Variants in KLHDC10 observed in about 807,000 individuals in gnomAD.
KLHDC10 encodes the protein kelch domain-containing protein 10.
In KLHDC10, 24 loss-of-function variants were observed where a neutral mutation model predicts 56.1. That is an observed-to-expected ratio of 0.43 (90% CI 0.31 to 0.60). The LOEUF is 0.60. Ranked by LOEUF, KLHDC10 falls within the 20% of genes least tolerant of loss-of-function variation. KLHDC10 has a pLI of 0.11. For synonymous variants in KLHDC10, 188 were observed against 207.1 expected (o/e 0.91, Z 0.79); for missense variants, 349 against 567.0 (o/e 0.62, Z 3.91).
At position 130,130,866 on chromosome 7, in the gene KLHDC10, A is replaced by G; in HGVS notation, c.*120A>G. The G allele has an allele frequency of 1.1e-6, 1 of 920,022 alleles. No individual in the cohort carries two copies. The allele number at this position is 920,022 out of a possible 1,614,324, so 57.0% of individuals were successfully genotyped here. A position where few individuals can be genotyped will look rare whatever the true frequency, so the allele number is the denominator to read the frequency against. ...TACCCTGATCAAGGCCTTATTTAGAAAATACATCAGATGCCTTTCTGTAAA... is the reference window on the plus strand; with the variant it reads ...TACCCTGATCAAGGCCTTATTTAGAGAATACATCAGATGCCTTTCTGTAAA... On this transcript the variant is annotated 3_prime_UTR_variant, in exon 10 of 10. Coordinates refer to ENST00000335420, the MANE Select transcript of KLHDC10 (RefSeq NM_014997.4). The surrounding 1 kb of genome is among the most constrained non-coding windows in gnomAD (Gnocchi z 4.2).
At chr7:130,100,293 T>C (rs1466168836) in intron 2 of KLHDC10, among the ~76,000 whole-genome samples, 2 of 152,136 alleles carry the variant, frequency 1.3e-5, no homozygotes. Context: ...TTGGCAGGCC[T>C]CTCCCCTCTT....
intron 1 of KLHDC10, among the ~76,000 whole-genome samples, chr7:130,074,207 G>A (rs957231254): frequency 3.3e-5 from 5 of 152,058 alleles, no homozygotes; most frequent in South Asian, 2.1e-4. Context: ...AAGCTTTTCC[G>A]TCATCCAAGA....
intron 1 of KLHDC10, among the ~76,000 whole-genome samples, chr7:130,085,757 C>G (rs1795679770): frequency 6.6e-6 from 1 of 150,652 alleles, no homozygotes; most frequent in Non-Finnish European, 1.5e-5. Context: ...TCGCTTGAAC[C>G]CAGGAGGTGG....
At chr7:130,127,585 A>T (rs1231303737) in intron 8 of KLHDC10, 134 bp downstream of exon 8, 6 of 649,994 alleles carry the variant, frequency 9.2e-6, no homozygotes, top group African/African-American at 3.6e-5. Flanking sequence ...ACTTAAAGGG[A>T]AATTCATAGT....
intron 2 of KLHDC10, among the ~76,000 whole-genome samples, chr7:130,103,349 C>T (rs960414052): frequency 1.1e-4 from 16 of 148,694 alleles, no homozygotes; most frequent in African/African-American, 2.0e-4. Context: ...TGCTTGAATC[C>T]GGGAGGCAGA....
rs1796444376 is a variant in KLHDC10, at chr7:130,134,669, G to T, written c.*3923G>T. ...TGGTCTTACAGATGTTTAGAAAGTG[G>T]CACAGGTTACTGAATTGTCTACCTG... On this transcript the variant is annotated 3_prime_UTR_variant, in exon 10 of 10. Coordinates refer to ENST00000335420, the MANE Select transcript of KLHDC10 (RefSeq NM_014997.4). 6.6e-6 allele frequency: 1 copy of T among 152,034 alleles called. No homozygotes were observed. Among genetic ancestry groups the T allele is most frequent in the South Asian group, 2.1e-4 (1 of 4,812 alleles). 9.4% of individuals were successfully genotyped at this position (152,034 alleles called of 1,614,324 possible).
intron 2 of KLHDC10, among the ~76,000 whole-genome samples, chr7:130,107,387 A>G (rs1796022611): frequency 6.6e-6 from 1 of 152,232 alleles, no homozygotes; most frequent in African/African-American, 2.4e-5. Flanking sequence ...TAGAGTTCAG[A>G]AAATTGGCTG....
intron 1 of KLHDC10, among the ~76,000 whole-genome samples, chr7:130,077,732 GT>G (rs886509245): frequency 6.6e-5 from 10 of 151,002 alleles, no homozygotes; most frequent in African/African-American, 2.4e-4. Context: ...ATTTTTTGTA[GT>G]TTTAGTAGAG....
At position 130,096,901 on chromosome 7, in the gene KLHDC10, G is replaced by C. The variant is rs746479640; in HGVS notation, c.167-20G>C. On this transcript the variant is annotated intron_variant, in intron 1 of 9. Coordinates refer to ENST00000335420, the MANE Select transcript of KLHDC10 (RefSeq NM_014997.4). The stretch of plus-strand genomic sequence containing the variant: ...ATGTGTTGTATGTGTCTGACTTATT[G>C]CTGATAATTGTGGTAACAGGTAAGA... 1 of 1,578,256 alleles carries C rather than the reference G, an allele frequency of 6.3e-7. No individual in the cohort carries two copies. The highest frequency in any genetic ancestry group is 8.7e-7 in the Non-Finnish European group (1 of 1,149,230).
At chr7:130,101,349 C>A (rs897790980) in intron 2 of KLHDC10, among the ~76,000 whole-genome samples, 2 of 152,072 alleles carry the variant, frequency 1.3e-5, no homozygotes, top group African/African-American at 4.8e-5. Flanking sequence ...ATGGAGGAAC[C>A]AGCACAGAAT....
intron 1 of KLHDC10, among the ~76,000 whole-genome samples, chr7:130,076,717 G>A (rs1795509299): frequency 1.3e-5 from 2 of 152,156 alleles, no homozygotes; most frequent in African/African-American, 4.8e-5. Flanking sequence ...ATTTAGTTCA[G>A]CTTTGCCCTG....
chr7:130,088,400 G>T (rs1297375718), intron 1 of KLHDC10, among the ~76,000 whole-genome samples: 1 of 151,450 alleles, frequency 6.6e-6, no homozygotes, highest in Non-Finnish European at 1.5e-5. Flanking sequence ...TCAGCCTCCT[G>T]AGTAGCTGGG....
intron 1 of KLHDC10, among the ~76,000 whole-genome samples, chr7:130,085,629 G>A (rs1489687615): frequency 6.6e-6 from 1 of 151,848 alleles, no homozygotes; most frequent in African/African-American, 2.4e-5. Context: ...GAGGTCAGGA[G>A]TTCGAGACCA....
At chr7:130,114,693 G>A (rs191585656) in intron 2 of KLHDC10, among the ~76,000 whole-genome samples, 3 of 152,080 alleles carry the variant, frequency 2.0e-5, no homozygotes, top group Non-Finnish European at 2.9e-5. Flanking sequence ...CATAGTTAAG[G>A]TGTGATCTTA....
At chr7:130,079,364 AT>A (rs918055960) in intron 1 of KLHDC10, among the ~76,000 whole-genome samples, 2 of 151,850 alleles carry the variant, frequency 1.3e-5, no homozygotes, top group African/African-American at 2.4e-5. Flanking sequence ...GGCCTAAAGT[AT>A]TTTTTTTAAT....
intron 1 of KLHDC10, among the ~76,000 whole-genome samples, chr7:130,086,357 C>A (rs2116854315): frequency 6.6e-6 from 1 of 152,142 alleles, no homozygotes; most frequent in East Asian, 1.9e-4. Context: ...ATACAGCTTT[C>A]CTCCTAAAAG....
At chr7:130,121,036 A>T in intron 4 of KLHDC10, 133 bp downstream of exon 4, 2 of 828,574 alleles carry the variant, frequency 2.4e-6, no homozygotes, top group South Asian at 2.0e-5. Flanking sequence ...TTGATTTTTT[A>T]GTTCTGATAT....
At chr7:130,101,969 TAAAAAAAA>T (rs10579051) in intron 2 of KLHDC10, among the ~76,000 whole-genome samples, 1 of 73,728 alleles carries the variant, frequency 1.4e-5, no homozygotes, top group African/African-American at 5.5e-5. Flanking sequence ...GACTCCCTCT[TAAAAAAAA>T]AAAAAAAAAA....
chr7:130,086,935 C>G (rs972638352), intron 1 of KLHDC10, among the ~76,000 whole-genome samples: 1 of 152,222 alleles, frequency 6.6e-6, no homozygotes, highest in African/African-American at 2.4e-5. Flanking sequence ...CTTTTACATC[C>G]TTATGTTTTA....
Sources: gnomAD v4.1 joint callset for allele counts (sites outside exome capture counted in the v4.1 genomes callset) on GRCh38, gnomAD v4.1.1 for gene constraint, Gnocchi (gnomAD v3.1) non-coding constraint, MANE v1.5 for transcripts, NCBI Gene and HGNC (gene_info 2026-07-23, HGNC 2026-07-21) for gene names.